Variants in DNAAF6 observed in about 807,000 individuals in gnomAD.
The protein encoded by DNAAF6 is dynein axonemal assembly factor 6.
In DNAAF6, 3 loss-of-function variants were observed where a neutral mutation model predicts 13.7. That is an observed-to-expected ratio of 0.22 (90% CI 0.10 to 0.56). The LOEUF is 0.56. DNAAF6 is among the 20% of genes least tolerant of loss of function. The probability of loss-of-function intolerance (pLI) is 0.92; values close to 1 mark genes in which losing one functional copy is unlikely to be tolerated. For missense variants in DNAAF6, 130 were observed against 151.0 expected, an observed-to-expected ratio of 0.86 and a Z score of 0.73; for synonymous variants, 54 against 49.2, an observed-to-expected ratio of 1.10 and a Z score of -0.41.
At chrX:107,242,485 C>T (rs1194418458) in intron 6 of DNAAF6, among the ~76,000 whole-genome samples, 1 of 112,548 alleles carries the variant, frequency 8.9e-6, no homozygotes, top group African/African-American at 3.2e-5. Context: ...TCTTCCAAAA[C>T]CAGCATGTGC....
intron 5 of DNAAF6, 51 bp downstream of exon 5, chrX:107,222,892 T>C (rs1928178764): frequency 8.6e-7 from 1 of 1,161,079 alleles, no homozygotes; most frequent in East Asian, 3.1e-5. Context: ...TGTAGCTAAA[T>C]TGACTGACTA....
In DNAAF6 at chrX:107,243,409, A is replaced by C; in HGVS notation, c.*111A>C. ...CTTTATTATTCTGACATATTTTTGA[A>C]AGGGACAAAATTCAGTTCTAGTGAT... On this transcript the variant is annotated 3_prime_UTR_variant, in exon 7 of 7. Coordinates refer to ENST00000372453, the MANE Select transcript of DNAAF6 (RefSeq NM_173494.2). 1.0e-6 allele frequency: 1 copy of C among 974,509 alleles called. No individual in the cohort carries two copies. The highest frequency in any genetic ancestry group is 2.5e-5 in the South Asian group (1 of 39,987). 80.3% of individuals were successfully genotyped at this position (974,509 alleles called of 1,213,427 possible). A position where few individuals can be genotyped will look rare whatever the true frequency, so the allele number is the denominator to read the frequency against.
chrX:107,213,083 G>C, intron 2 of DNAAF6, 55 bp downstream of exon 2: 2 of 1,094,312 alleles, frequency 1.8e-6, no homozygotes, highest in Non-Finnish European at 2.4e-6. Context: ...TTGTGGAACT[G>C]TATTTGAATA....
chrX:107,230,854 T>A lies in DNAAF6; in HGVS notation c.429+8013T>A, dbSNP rs191709015. The stretch of plus-strand genomic sequence containing the variant: ...GTGACACTTTCTTCCTTGTTTGTTA[T>A]GTTCTGCTTATCCTGACCTTCTTTT... On this transcript the variant is annotated intron_variant, in intron 5 of 6. Transcript: ENST00000372453. 6.3e-5 allele frequency among the ~76,000 whole-genome samples: 7 copies of A among 111,931 alleles called. No individual in the cohort carries two copies. The South Asian group carries it at 1.9e-3, about 30-fold the overall frequency.
chrX:107,239,965 T>G (rs1048266657), intron 6 of DNAAF6, among the ~76,000 whole-genome samples: 1 of 111,904 alleles, frequency 8.9e-6, no homozygotes, highest in African/African-American at 3.2e-5. Flanking sequence ...AAATGAACAA[T>G]CTTCCAAGAT....
chrX:107,217,016 A>G (rs1928008216), intron 3 of DNAAF6, among the ~76,000 whole-genome samples: 1 of 111,472 alleles, frequency 9.0e-6, no homozygotes, highest in Non-Finnish European at 1.9e-5. Flanking sequence ...TCATAAATAT[A>G]TACAATTTTT....
intron 4 of DNAAF6, among the ~76,000 whole-genome samples, chrX:107,219,841 G>A (rs1185058521): frequency 9.3e-6 from 1 of 107,613 alleles, no homozygotes; most frequent in East Asian, 2.9e-4. Flanking sequence ...CTGTCGCCCA[G>A]GCTGGAGTGC....
At chrX:107,238,268 G>A (rs984557564) in intron 5 of DNAAF6, among the ~76,000 whole-genome samples, 21 of 111,102 alleles carry the variant, frequency 1.9e-4, no homozygotes, top group African/African-American at 5.9e-4. Context: ...TTATGTACAT[G>A]TTTTTGCTTG....
At chrX:107,233,744 G>A (rs1261467955) in intron 5 of DNAAF6, among the ~76,000 whole-genome samples, 1 of 110,326 alleles carries the variant, frequency 9.1e-6, no homozygotes, top group Non-Finnish European at 1.9e-5. Context: ...GTGTAATTGG[G>A]GAGATCCAGA....
At chrX:107,234,727 G>T (rs1282962046) in intron 5 of DNAAF6, among the ~76,000 whole-genome samples, 1 of 111,603 alleles carries the variant, frequency 9.0e-6, no homozygotes, top group Non-Finnish European at 1.9e-5. Context: ...AAATAGTGCT[G>T]GTCAAGTTAC....
intron 5 of DNAAF6, among the ~76,000 whole-genome samples, chrX:107,230,760 CCTT>C (rs1346504498): frequency 8.9e-6 from 1 of 112,050 alleles, no homozygotes; most frequent in African/African-American, 3.2e-5. Context: ...AATCCAAACT[CCTT>C]ATCTTAAAAG....
chrX:107,243,063 G>A, intron 6 of DNAAF6, 106 bp from the exon 7 acceptor site: 2 of 851,828 alleles, frequency 2.3e-6, no homozygotes, highest in Non-Finnish European at 1.7e-6. Context: ...TATTGGGGGG[G>A]GGTTGTTTTC....
At chrX:107,232,199 C>T (rs1361232565) in intron 5 of DNAAF6, among the ~76,000 whole-genome samples, 2 of 111,723 alleles carry the variant, frequency 1.8e-5, no homozygotes, top group East Asian at 5.6e-4. Flanking sequence ...TGAAACAGTC[C>T]AGTACTATAT....
At chrX:107,210,190 G>A (rs1927821184) in intron 1 of DNAAF6, among the ~76,000 whole-genome samples, 1 of 110,865 alleles carries the variant, frequency 9.0e-6, no homozygotes, top group South Asian at 3.9e-4. Context: ...CATTAGCATT[G>A]GCCTAGCAAA....
At chrX:107,221,091 C>T (rs1423441350) in intron 4 of DNAAF6, among the ~76,000 whole-genome samples, 1 of 109,692 alleles carries the variant, frequency 9.1e-6, no homozygotes, top group Admixed American at 9.8e-5. Flanking sequence ...CCTGCCTCAG[C>T]CTCACAAGTA....
At chrX:107,222,535 A>G (rs1001173517) in intron 4 of DNAAF6, among the ~76,000 whole-genome samples, 1 of 111,888 alleles carries the variant, frequency 8.9e-6, no homozygotes. Flanking sequence ...GAAAATAATA[A>G]CAATCCTGCC....
chrX:107,211,931 C>A (rs929334040), intron 1 of DNAAF6, among the ~76,000 whole-genome samples: 3 of 111,819 alleles, frequency 2.7e-5, no homozygotes, highest in African/African-American at 9.7e-5. Context: ...ATATTTTGAG[C>A]ATTGATAGCA....
chrX:107,230,945 T>G (rs1928380427), intron 5 of DNAAF6, among the ~76,000 whole-genome samples: 1 of 111,964 alleles, frequency 8.9e-6, no homozygotes, highest in African/African-American at 3.2e-5. Context: ...GTATTCCACC[T>G]AGTCCCTCAG....
chrX:107,219,835 C>T (rs1226503558), intron 4 of DNAAF6, among the ~76,000 whole-genome samples: 4 of 106,907 alleles, frequency 3.7e-5, no homozygotes, highest in Non-Finnish European at 5.8e-5. Flanking sequence ...CTTGCTCTGT[C>T]GCCCAGGCTG....
Sources: gnomAD v4.1 joint callset for allele counts (sites outside exome capture counted in the v4.1 genomes callset) on GRCh38, gnomAD v4.1.1 for gene constraint, MANE v1.5 for transcripts, NCBI Gene and HGNC (gene_info 2026-07-23, HGNC 2026-07-21) for gene names.